The following INPP5K variants were observed in gnomAD, a reference collection of about 807,000 sequenced individuals.
INPP5K encodes inositol polyphosphate-5-phosphatase K.
Under a neutral mutation model 53.5 loss-of-function variants are expected in INPP5K, and 35 were observed. The ratio of observed to expected loss-of-function variants is 0.65; its 90% CI spans 0.50 to 0.87. The LOEUF (loss-of-function observed/expected upper bound fraction) is 0.87. INPP5K is among the 40% of genes least tolerant of loss of function. The pLI is 0.00. For missense variants in INPP5K, 550 were observed against 586.2 expected (o/e 0.94, Z 0.64); for synonymous variants, 253 against 232.8 (o/e 1.09, Z -0.79).
Position 1,516,576 on chromosome 17 carries a change from C to A in INPP5K, c.-77G>T, listed in dbSNP as rs1411061087. ...GCGGGTCCCGGCCAGAGCAGCCCTG[C>A]GGGCGGCCGGTCTCACGCGCCTAGC... is the stretch of plus-strand genomic sequence containing the variant. On this transcript the variant is annotated 5_prime_UTR_variant, in exon 1 of 12. Transcript: ENST00000421807. 3 of 1,444,770 alleles carry A rather than the reference C, an allele frequency of 2.1e-6. No individual in the cohort carries two copies. Among genetic ancestry groups the A allele is most frequent in the Admixed American group, 2.7e-5 (1 of 37,062 alleles). 89.5% of individuals were successfully genotyped at this position (1,444,770 alleles called of 1,614,324 possible). A position where few individuals can be genotyped will look rare whatever the true frequency, so the allele number is the denominator to read the frequency against.
At chr17:1,511,547 G>A (rs11871511) in intron 3 of INPP5K, among the ~76,000 whole-genome samples, 1,850 of 152,276 alleles carry the variant, frequency 0.012, 38 homozygotes, top group African/African-American at 0.041. Flanking sequence ...TAGCGGAGTC[G>A]AAGCAGGGGG....
intron 3 of INPP5K, among the ~76,000 whole-genome samples, chr17:1,512,434 TTC>T (rs2075331082): frequency 6.6e-6 from 1 of 152,116 alleles, no homozygotes; most frequent in Admixed American, 6.5e-5. Flanking sequence ...AAACCTTAGA[TTC>T]TTTCCTCCCC....
At chr17:1,496,952 G>A (rs568592621) in intron 8 of INPP5K, 149 bp from the exon 9 acceptor site, 267 of 756,922 alleles carry the variant, frequency 3.5e-4, no homozygotes, top group Non-Finnish European at 4.8e-4. Flanking sequence ...CTGCTCCAAC[G>A]GACCTTGGCT....
intron 3 of INPP5K, among the ~76,000 whole-genome samples, chr17:1,511,728 G>A (rs2075314357): frequency 6.6e-6 from 1 of 152,150 alleles, no homozygotes. Flanking sequence ...CTGACTCCCA[G>A]GGTCAGGATT....
At chr17:1,515,484 C>A (rs551369330) in intron 1 of INPP5K, 1 of 985,544 alleles carries the variant, frequency 1.0e-6, no homozygotes, top group South Asian at 4.7e-5. Context: ...TCAGACTGTG[C>A]GGAGCACAGA....
At chr17:1,507,324 A>C in intron 6 of INPP5K, 1 of 546,980 alleles carries the variant, frequency 1.8e-6, no homozygotes, top group Admixed American at 3.3e-5. Context: ...GCCGTTTCCC[A>C]GTCCTTAGAC....
In INPP5K at chr17:1,510,020, G is replaced by A. The variant is rs112135524; in HGVS notation, c.262-221C>T. ...TGGGGGCTGAGGTTTTCGATTCTGC[G>A]CCTAGGCGTGCGGGTGGCGGGAAGA... is the stretch of plus-strand genomic sequence containing the variant. On this transcript the variant is annotated intron_variant, in intron 3 of 11. Transcript: ENST00000421807. 8.5e-4 allele frequency among the ~76,000 whole-genome samples: 130 copies of A among 152,348 alleles called. 1 individual carries two copies. Among genetic ancestry groups the A allele is most frequent in the African/African-American group, 2.7e-3 (114 of 41,568 alleles).
intron 5 of INPP5K, 38 bp downstream of exon 5, chr17:1,509,140 G>A: frequency 2.2e-6 from 3 of 1,381,268 alleles, no homozygotes; most frequent in Non-Finnish European, 2.9e-6. Flanking sequence ...TTAGCGTGGG[G>A]CAGAGGGCGG....
chr17:1,505,845 C>T (rs1048814414), intron 7 of INPP5K, among the ~76,000 whole-genome samples: 3 of 152,114 alleles, frequency 2.0e-5, no homozygotes, highest in Non-Finnish European at 4.4e-5. Flanking sequence ...GGAACAAAGA[C>T]CCTCATGACA....
chr17:1,495,983 T>C, intron 11 of INPP5K, 77 bp downstream of exon 11: 2 of 1,425,314 alleles, frequency 1.4e-6, no homozygotes, highest in Non-Finnish European at 2.0e-6. Flanking sequence ...ACCGGCTGGC[T>C]CCCAGGCCTG....
At chr17:1,502,144 T>C (rs2075035285) in intron 7 of INPP5K, among the ~76,000 whole-genome samples, 1 of 151,236 alleles carries the variant, frequency 6.6e-6, no homozygotes, top group South Asian at 2.1e-4. Flanking sequence ...GGTCAGGACA[T>C]GGAGACCATC....
chr17:1,509,871 C>G, intron 3 of INPP5K, 72 bp from the exon 4 acceptor site: 3 of 865,432 alleles, frequency 3.5e-6, no homozygotes, highest in South Asian at 1.5e-5. Context: ...AAGCTCCGTG[C>G]TAGGGACTCT....
Position 1,516,447 on chromosome 17 carries a change from T to C in INPP5K, c.44+9A>G, listed in dbSNP as rs1463196083. 2 of 1,590,520 alleles carry C rather than the reference T, an allele frequency of 1.3e-6. No individual in the cohort carries two copies. The highest frequency in any genetic ancestry group is 1.7e-6 in the Non-Finnish European group (2 of 1,176,378). On this transcript the variant is annotated intron_variant, in intron 1 of 11. Coordinates refer to ENST00000421807, the MANE Select transcript of INPP5K (RefSeq NM_016532.4). ...AGCAGGCCTGCCTCTGCCGCCAGGG[T>C]GCCCTCACCTGAGCCTCCTGCCTTT...
chr17:1,497,743 C>CG (rs1170873782), intron 8 of INPP5K, 193 bp downstream of exon 8: 4 of 567,146 alleles, frequency 7.1e-6, no homozygotes, highest in Non-Finnish European at 1.3e-5. Flanking sequence ...GGTTTGAACA[C>CG]GGTTTTGACA....
At position 1,495,875 on chromosome 17, in the gene INPP5K, G is replaced by A. The variant is rs758147788; in HGVS notation, c.1295C>T (p.Pro432Leu). Reference sequence around the variant, plus strand: ...TGGGTCCTCCCTCAAGGAGCCAGGCGGGATCTGCAGGGATAAAGCAGGTGG... The same window carrying A: ...TGGGTCCTCCCTCAAGGAGCCAGGCAGGATCTGCAGGGATAAAGCAGGTGG... ...VVGISRPFQI[P>L]PGSLREDPLG... The change falls in exon 12 of 12, where the codon CCG becomes CTG. Residue 432 changes from proline (P) to leucine (L), a missense_variant. By Grantham distance (98) the Pro-to-Leu change is moderately conservative. Coordinates refer to ENST00000421807, the MANE Select transcript of INPP5K (RefSeq NM_016532.4). The A allele has an allele frequency of 6.9e-5, 112 of 1,611,626 alleles. No individual in the cohort carries two copies. The highest frequency in any genetic ancestry group is 1.6e-4 in the Middle Eastern group (1 of 6,068).
At position 1,497,982 on chromosome 17, in the gene INPP5K, T is replaced by C; in HGVS notation, c.917A>G (p.Tyr306Cys). The C allele has an allele frequency of 6.2e-7, 1 of 1,614,156 alleles. No homozygotes were observed. The highest frequency in any genetic ancestry group is 8.5e-7 in the Non-Finnish European group (1 of 1,180,012). Residue 306 changes from tyrosine (Y) to cysteine (C), a missense_variant, in exon 8 of 12, where the codon TAC becomes TGC. Coordinates refer to ENST00000421807, the MANE Select transcript of INPP5K (RefSeq NM_016532.4). The part of the protein sequence containing the change: ...SLRGYSSHMT[Y>C]GISDHKPVSG... The stretch of plus-strand genomic sequence containing the variant: ...GACAGGCTTGTGGTCGCTGATGCCG[T>C]ACGTCATGTGGCTGCTGTAGCCCCT...
At chr17:1,503,187 T>G (rs1384715424) in intron 7 of INPP5K, among the ~76,000 whole-genome samples, 2 of 98,104 alleles carry the variant, frequency 2.0e-5, no homozygotes. Context: ...CGCCTGGCCT[T>G]TTTTTTTTTT....
At chr17:1,495,912 AG>A in intron 11 of INPP5K, 33 bp from the exon 12 acceptor site, 1 of 1,579,306 alleles carries the variant, frequency 6.3e-7, no homozygotes, top group Non-Finnish European at 8.7e-7. Context: ...GGAAATGGAG[AG>A]CGGGTCTTCC....
intron 7 of INPP5K, among the ~76,000 whole-genome samples, chr17:1,500,582 G>A (rs1382287071): frequency 6.6e-6 from 1 of 152,158 alleles, no homozygotes; most frequent in East Asian, 1.9e-4. Flanking sequence ...AGCCAGGATG[G>A]TCTTGATCTC....
Sources: gnomAD v4.1 joint callset for allele counts (sites outside exome capture counted in the v4.1 genomes callset) on GRCh38, gnomAD v4.1.1 for gene constraint, MANE v1.5 for transcripts, NCBI Gene and HGNC (gene_info 2026-07-23, HGNC 2026-07-21) for gene names.